The following ADK variants were observed in gnomAD, a reference collection of about 807,000 sequenced individuals.
The protein encoded by ADK is N6,N6-dimethyladenosine kinase.
In ADK, 24 loss-of-function variants were observed where a neutral mutation model predicts 44.7. The observed-to-expected ratio is 0.54, with a 90% CI of 0.39 to 0.76. The LOEUF is 0.76. Ranked by LOEUF, ADK falls within the 30% of genes least tolerant of loss-of-function variation. The probability of loss-of-function intolerance (pLI) is 0.00; values close to 1 mark genes in which losing one functional copy is unlikely to be tolerated. For missense variants in ADK, 321 were observed against 425.1 expected, an observed-to-expected ratio of 0.76 and a Z score of 2.15; for synonymous variants, 128 against 142.6, an observed-to-expected ratio of 0.90 and a Z score of 0.73.
intron 6 of ADK, among the ~76,000 whole-genome samples, chr10:74,432,644 C>G (rs1215464357): frequency 6.6e-6 from 1 of 152,162 alleles, no homozygotes; most frequent in Admixed American, 6.6e-5. Context: ...GGATCATCAT[C>G]TATAACGTCT....
At chr10:74,595,594 T>G (rs1851883853) in intron 8 of ADK, among the ~76,000 whole-genome samples, 1 of 150,934 alleles carries the variant, frequency 6.6e-6, no homozygotes, top group African/African-American at 2.4e-5. Flanking sequence ...ACCAGGATGG[T>G]CTCGATTTCC....
chr10:74,362,887 T>A (rs540681746), intron 4 of ADK, among the ~76,000 whole-genome samples: 1 of 152,308 alleles, frequency 6.6e-6, no homozygotes, highest in African/African-American at 2.4e-5. Flanking sequence ...TTGGGCTGCC[T>A]GGGAATGCTG....
intron 9 of ADK, among the ~76,000 whole-genome samples, chr10:74,649,013 C>G (rs1227335606): frequency 6.6e-6 from 1 of 152,050 alleles, no homozygotes; most frequent in Non-Finnish European, 1.5e-5. Context: ...AACCCTGTCT[C>G]TACTAAAAAT....
At chr10:74,202,546 T>G (rs952831172) in intron 2 of ADK, among the ~76,000 whole-genome samples, 6 of 152,200 alleles carry the variant, frequency 3.9e-5, no homozygotes, top group Admixed American at 3.9e-4. Flanking sequence ...CCAAACTGTT[T>G]TCCAAAGCAG....
At chr10:74,357,723 T>A (rs1179485812) in intron 4 of ADK, among the ~76,000 whole-genome samples, 1 of 152,140 alleles carries the variant, frequency 6.6e-6, no homozygotes, top group Non-Finnish European at 1.5e-5. Flanking sequence ...GAAAATATGG[T>A]GCTAATGACT....
In ADK at chr10:74,682,694, C is replaced by T. The variant is rs141756892; in HGVS notation, c.964+12425C>T. ...GTTTGAGTGATTCTCCAGCCTCAGC[C>T]TCCCAAGTAGCTGGGACTACAGGTG... is the stretch of plus-strand genomic sequence containing the variant. On this transcript the variant is annotated intron_variant, in intron 10 of 10. Transcript: ENST00000539909. Among the ~76,000 whole-genome samples the T allele has an allele frequency of 4.6e-3, 696 of 151,882 alleles. 3 individuals are homozygous for T. Among genetic ancestry groups the T allele is most frequent in the African/African-American group, 0.015 (618 of 41,422 alleles).
At chr10:74,418,612 G>A (rs557792412) in intron 6 of ADK, among the ~76,000 whole-genome samples, 4 of 152,102 alleles carry the variant, frequency 2.6e-5, no homozygotes, top group South Asian at 2.1e-4. Context: ...AAAGAAATCC[G>A]CACTCATTAA....
chr10:74,300,879 G>A (rs1840008425), intron 3 of ADK, among the ~76,000 whole-genome samples: 1 of 152,144 alleles, frequency 6.6e-6, no homozygotes. Context: ...ATGTTTGTGG[G>A]CTCAAACTAT....
chr10:74,262,477 C>T (rs564650693), intron 3 of ADK, among the ~76,000 whole-genome samples: 1 of 152,194 alleles, frequency 6.6e-6, no homozygotes, highest in African/African-American at 2.4e-5. Context: ...GAGGAAGAAG[C>T]TTTGAGATTC....
At chr10:74,409,357 C>T (rs947404696) in intron 6 of ADK, among the ~76,000 whole-genome samples, 8 of 152,120 alleles carry the variant, frequency 5.3e-5, no homozygotes, top group African/African-American at 1.9e-4. Context: ...TAGATTTTAA[C>T]AAACTTTCAG....
rs770853367 is a variant in ADK at position 74,180,094 on chromosome 10, G to A, written c.66-20670G>A. Reference sequence around the variant, plus strand: ...ATAGTAGTATGTGACTCTTTTCATAGCAATGGCTATGAAAGAATACAGGAT... The same window carrying A: ...ATAGTAGTATGTGACTCTTTTCATAACAATGGCTATGAAAGAATACAGGAT... On this transcript the variant is annotated intron_variant, in intron 1 of 10. Coordinates refer to ENST00000539909, the MANE Select transcript of ADK (RefSeq NM_006721.4). 3.3e-4 allele frequency among the ~76,000 whole-genome samples: 50 copies of A among 152,068 alleles called. No individual in the cohort carries two copies. In the Middle Eastern group the frequency reaches 0.01, roughly 31 times the overall value.
intron 10 of ADK, among the ~76,000 whole-genome samples, chr10:74,701,876 G>A (rs575910604): frequency 6.6e-6 from 1 of 152,264 alleles, no homozygotes; most frequent in African/African-American, 2.4e-5. Context: ...CTGGGGAGGT[G>A]GAGGTTGCAG....
intron 10 of ADK, among the ~76,000 whole-genome samples, chr10:74,684,498 C>T (rs1016241023): frequency 3.3e-5 from 5 of 152,088 alleles, no homozygotes; most frequent in Admixed American, 3.3e-4. Flanking sequence ...AAGCCAGGCG[C>T]AGTGGCTCAT....
At chr10:74,424,589 C>CCAGAGGGT (rs951771342) in intron 6 of ADK, among the ~76,000 whole-genome samples, 1 of 149,828 alleles carries the variant, frequency 6.7e-6, no homozygotes, top group Non-Finnish European at 1.5e-5. Flanking sequence ...TCTCTCCACC[C>CCAGAGGGT]CAGAGGGTAA....
chr10:74,151,964 A>G (rs559948115), intron 1 of ADK, among the ~76,000 whole-genome samples: 59 of 152,308 alleles, frequency 3.9e-4, no homozygotes, highest in Non-Finnish European at 7.8e-4. Context: ...TGCTGCCCCT[A>G]ACACCTGCCT....
chr10:74,439,199 C>T (rs1458349983), intron 6 of ADK, among the ~76,000 whole-genome samples: 1 of 152,130 alleles, frequency 6.6e-6, no homozygotes, highest in Non-Finnish European at 1.5e-5. Context: ...TGACCAGAAC[C>T]CTTATGTTCC....
intron 9 of ADK, among the ~76,000 whole-genome samples, chr10:74,608,270 C>T (rs1852410970): frequency 6.6e-6 from 1 of 151,840 alleles, no homozygotes; most frequent in Non-Finnish European, 1.5e-5. Flanking sequence ...GTTTTGTTCC[C>T]TTGCTGGTGA....
chr10:74,447,058 G>A (rs766763030), intron 6 of ADK, among the ~76,000 whole-genome samples: 12 of 152,072 alleles, frequency 7.9e-5, no homozygotes, highest in Non-Finnish European at 1.8e-4. Flanking sequence ...TACTATAGGA[G>A]GAAAAACTTT....
chr10:74,384,599 G>A (rs1843080590), intron 4 of ADK, among the ~76,000 whole-genome samples: 1 of 152,122 alleles, frequency 6.6e-6, no homozygotes, highest in Non-Finnish European at 1.5e-5. Flanking sequence ...GAACCTGGAA[G>A]GCAGAGGTTT....
Sources: allele counts gnomAD v4.1 joint callset (sites outside exome capture counted in the v4.1 genomes callset), GRCh38; gene constraint gnomAD v4.1.1; transcripts MANE v1.5; gene names NCBI Gene and HGNC (gene_info 2026-07-23, HGNC 2026-07-21).